HMBOX1: variants seen among roughly 807,000 people sequenced by gnomAD.
HMBOX1 encodes the protein homeobox containing 1, also known as homeobox-containing protein 1.
HMBOX1 carries 14 observed loss-of-function variants against 54.5 expected under a neutral mutation model. That is an observed-to-expected ratio of 0.26 (90% CI 0.17 to 0.40). The LOEUF (loss-of-function observed/expected upper bound fraction) is 0.40, where lower values mean the gene tolerates loss of function less well. HMBOX1 is among the 10% of genes least tolerant of loss of function. The probability of loss-of-function intolerance (pLI) is 1.00; values close to 1 mark genes in which losing one functional copy is unlikely to be tolerated. For missense variants in HMBOX1, 332 were observed against 514.4 expected (o/e 0.65, Z 3.43); for synonymous variants, 160 against 181.0 (o/e 0.88, Z 0.93).
chr8:28,943,108 G>GA (rs959801102), intron 1 of HMBOX1, among the ~76,000 whole-genome samples: 3 of 152,158 alleles, frequency 2.0e-5, no homozygotes, highest in Non-Finnish European at 4.4e-5. Context: ...GGTATAAGGA[G>GA]AAAAAAATAG....
intron 1 of HMBOX1, among the ~76,000 whole-genome samples, chr8:28,918,995 G>A (rs1817071792): frequency 1.3e-5 from 2 of 152,162 alleles, no homozygotes; most frequent in Admixed American, 6.5e-5. Flanking sequence ...AGAAAAATTA[G>A]GGAATTAGAA....
chr8:28,983,289 C>T (rs910111588), intron 4 of HMBOX1, among the ~76,000 whole-genome samples: 8 of 152,124 alleles, frequency 5.3e-5, no homozygotes, highest in East Asian at 1.9e-4. Flanking sequence ...CCAGCCTTTT[C>T]GTTTGTTGCC....
intron 6 of HMBOX1, among the ~76,000 whole-genome samples, chr8:29,030,397 T>C (rs1338868845): frequency 1.3e-5 from 2 of 152,138 alleles, no homozygotes; most frequent in Admixed American, 1.3e-4. Context: ...TTTTGTATTT[T>C]TATTAGAGAC....
In HMBOX1 at chr8:28,945,558, G is replaced by T. The variant is rs11136052; in HGVS notation, c.-57-18253G>T. On this transcript the variant is annotated intron_variant, in intron 1 of 9. Coordinates refer to ENST00000287701, the MANE Select transcript of HMBOX1 (RefSeq NM_001135726.3). ...AAGATAACAGTAGGATTGGAGAGAA[G>T]GTTATAAATAAAAGAACCTGCTAAG... Among the ~76,000 whole-genome samples the T allele has an allele frequency of 3.3e-5, 5 of 152,118 alleles. No homozygotes were observed. In the South Asian group the frequency reaches 6.2e-4, roughly 19 times the overall value.
chr8:28,920,829 G>A (rs766599890), intron 1 of HMBOX1, among the ~76,000 whole-genome samples: 28 of 152,150 alleles, frequency 1.8e-4, no homozygotes, highest in Non-Finnish European at 3.5e-4. Context: ...TCATAGTGGA[G>A]AAGCTAGGGT....
intron 6 of HMBOX1, among the ~76,000 whole-genome samples, chr8:29,020,430 C>T (rs1448291570): frequency 6.6e-6 from 1 of 152,080 alleles, no homozygotes. Flanking sequence ...ACCTCAGAGA[C>T]TTAGGGATTC....
intron 1 of HMBOX1, among the ~76,000 whole-genome samples, chr8:28,926,282 G>T (rs528732751): frequency 6.5e-4 from 95 of 145,666 alleles, no homozygotes; most frequent in African/African-American, 2.4e-3. Flanking sequence ...ATTCATGGCA[G>T]ATATATATAT....
chr8:28,996,402 A>G (rs1016279634), intron 4 of HMBOX1, among the ~76,000 whole-genome samples: 1 of 152,090 alleles, frequency 6.6e-6, no homozygotes, highest in Non-Finnish European at 1.5e-5. Context: ...ATTTTCTCCC[A>G]TGTTTTTGGG....
chr8:28,913,415 G>A (rs1815860208), intron 1 of HMBOX1, among the ~76,000 whole-genome samples: 1 of 151,982 alleles, frequency 6.6e-6, no homozygotes, highest in Non-Finnish European at 1.5e-5. Flanking sequence ...CTCTAAGTAG[G>A]TGAATTCACC....
intron 1 of HMBOX1, among the ~76,000 whole-genome samples, chr8:28,895,632 G>A (rs892298385): frequency 4.0e-5 from 6 of 151,154 alleles, no homozygotes; most frequent in South Asian, 2.1e-4. Context: ...CTGAGATTGC[G>A]CCGCTGCACT....
chr8:28,985,669 T>C (rs906436986), intron 4 of HMBOX1, among the ~76,000 whole-genome samples: 1 of 152,208 alleles, frequency 6.6e-6, no homozygotes, highest in Non-Finnish European at 1.5e-5. Flanking sequence ...CTTTAAAATG[T>C]AGGATAAAAC....
At chr8:28,894,626 T>C (rs764489073) in intron 1 of HMBOX1, among the ~76,000 whole-genome samples, 2 of 152,230 alleles carry the variant, frequency 1.3e-5, no homozygotes, top group Non-Finnish European at 2.9e-5. Flanking sequence ...TTAGGGCCCA[T>C]CATAGGCGCA....
rs567775100 is a variant in HMBOX1, at chr8:29,034,720, G to A, written c.852-10641G>A. ...AAAATACAGAAAAATAGCCAGGCAT[G>A]GTGGTGCATGCCTGTAATCCCAGCT... On this transcript the variant is annotated intron_variant, in intron 6 of 9. Coordinates refer to ENST00000287701, the MANE Select transcript of HMBOX1 (RefSeq NM_001135726.3). 5.9e-5 allele frequency among the ~76,000 whole-genome samples: 9 copies of A among 152,308 alleles called. No individual in the cohort carries two copies. In the South Asian group the frequency reaches 1.9e-3, roughly 32 times the overall value.
intron 3 of HMBOX1, among the ~76,000 whole-genome samples, chr8:28,976,460 A>G (rs915129559): frequency 2.6e-5 from 4 of 152,072 alleles, no homozygotes; most frequent in South Asian, 4.1e-4. Flanking sequence ...ATCTTGGCTC[A>G]CTGCAGCATC....
intron 5 of HMBOX1, chr8:29,010,037 G>A: frequency 2.0e-6 from 2 of 984,798 alleles, no homozygotes; most frequent in Non-Finnish European, 2.4e-6. Context: ...GAATGTCATA[G>A]AGATGTATTT....
intron 5 of HMBOX1, among the ~76,000 whole-genome samples, chr8:29,011,724 T>A (rs571268474): frequency 6.7e-4 from 102 of 151,538 alleles, no homozygotes; most frequent in Admixed American, 2.1e-3. Context: ...GTTTTTTTTT[T>A]AAATTATTGT....
Position 28,994,949 on chromosome 8 carries a change from G to A in HMBOX1, c.587-14123G>A, listed in dbSNP as rs554582550. Among the ~76,000 whole-genome samples, 14 of 152,208 alleles carry A rather than the reference G, an allele frequency of 9.2e-5. No individual in the cohort carries two copies. The South Asian group carries it at 2.9e-3, about 32-fold the overall frequency. On this transcript the variant is annotated intron_variant, in intron 4 of 9. Coordinates refer to ENST00000287701, the MANE Select transcript of HMBOX1 (RefSeq NM_001135726.3). ...TTAAATCAGCAAACTTTAGAAGATT[G>A]AGGGATACTACTGGTCCACTTCTGT...
chr8:29,040,834 G>GATTAATTTTAATCTTTAATTAAATTTA, intron 6 of HMBOX1, among the ~76,000 whole-genome samples: 1 of 152,130 alleles, frequency 6.6e-6, no homozygotes, highest in African/African-American at 2.4e-5. Flanking sequence ...TAAAAATACA[G>GATTAATTTTAATCTTTAATTAAATTTA]ATTAATTTTA....
At chr8:28,910,659 T>C (rs1053625198) in intron 1 of HMBOX1, among the ~76,000 whole-genome samples, 2 of 152,214 alleles carry the variant, frequency 1.3e-5, no homozygotes, top group African/African-American at 2.4e-5. Context: ...TATTGGCAAT[T>C]CATATATCTT....
Sources: gnomAD v4.1 joint callset for allele counts (sites outside exome capture counted in the v4.1 genomes callset) on GRCh38, gnomAD v4.1.1 for gene constraint, MANE v1.5 for transcripts, NCBI Gene and HGNC (gene_info 2026-07-23, HGNC 2026-07-21) for gene names.